Variants in SYN2 observed in about 807,000 individuals in gnomAD.
The protein encoded by SYN2 is synapsin II.
In SYN2, 19 loss-of-function variants were observed where a neutral mutation model predicts 50.9. That is an observed-to-expected ratio of 0.37 (90% CI 0.26 to 0.55). SYN2 has a LOEUF of 0.55. SYN2 is among the 20% of genes least tolerant of loss of function. SYN2 has a pLI of 0.81. For missense variants in SYN2, 587 were observed against 576.4 expected (o/e 1.02, Z -0.19); for synonymous variants, 255 against 224.9 (o/e 1.13, Z -1.20).
At chr3:12,080,159 C>A (rs1695555995) in intron 1 of SYN2, among the ~76,000 whole-genome samples, 2 of 152,072 alleles carry the variant, frequency 1.3e-5, no homozygotes, top group South Asian at 4.1e-4. Context: ...TCCCCATTAT[C>A]ATTTTTTATT....
At chr3:12,049,811 A>G (rs1415076705) in intron 1 of SYN2, among the ~76,000 whole-genome samples, 2 of 152,230 alleles carry the variant, frequency 1.3e-5, no homozygotes, top group East Asian at 1.9e-4. Context: ...ATTTGGAAAC[A>G]TGGCTTATAT....
intron 1 of SYN2, among the ~76,000 whole-genome samples, chr3:12,118,327 G>A (rs1018882572): frequency 2.6e-5 from 4 of 152,202 alleles, no homozygotes; most frequent in African/African-American, 9.7e-5. Flanking sequence ...ACTTCAAGAG[G>A]CTGAGGCAGG....
At chr3:12,142,683 T>A (rs189422798) in intron 3 of SYN2, among the ~76,000 whole-genome samples, 168 of 152,318 alleles carry the variant, frequency 1.1e-3, no homozygotes, top group African/African-American at 3.8e-3. Context: ...GACTGGAAAG[T>A]GGCGGAGCTG....
chr3:12,009,182 A>G (rs142018628), intron 1 of SYN2, among the ~76,000 whole-genome samples: 1 of 152,340 alleles, frequency 6.6e-6, no homozygotes, highest in Non-Finnish European at 1.5e-5. Flanking sequence ...TGTACTTTAG[A>G]ATTCTCAGAT....
intron 1 of SYN2, among the ~76,000 whole-genome samples, chr3:12,126,643 T>G (rs1696677292): frequency 6.6e-6 from 1 of 152,234 alleles, no homozygotes; most frequent in African/African-American, 2.4e-5. Context: ...TAGTTTCAAA[T>G]CCTGAATCTT....
At chr3:12,095,363 C>G (rs888019880) in intron 1 of SYN2, among the ~76,000 whole-genome samples, 6 of 143,620 alleles carry the variant, frequency 4.2e-5, no homozygotes, top group Non-Finnish European at 6.1e-5. Flanking sequence ...CTGGCTAACA[C>G]AGTGAAACCT....
chr3:12,119,381 C>T lies in SYN2; in HGVS notation c.378-21270C>T, dbSNP rs577584107. On this transcript the variant is annotated intron_variant, in intron 1 of 12. Coordinates refer to ENST00000621198, the MANE Select transcript of SYN2 (RefSeq NM_133625.6). Reference sequence around the variant, plus strand: ...TGCCTCTTCTGCTAAATTTTGTGCTCCTTGAGGACAAGGATAGTGTTTTAT... The same window carrying T: ...TGCCTCTTCTGCTAAATTTTGTGCTTCTTGAGGACAAGGATAGTGTTTTAT... 2.0e-5 allele frequency among the ~76,000 whole-genome samples: 3 copies of T among 152,258 alleles called. No homozygotes were observed. In the South Asian group the frequency reaches 6.2e-4, roughly 32 times the overall value.
chr3:12,129,933 C>T (rs1281695652), intron 1 of SYN2, among the ~76,000 whole-genome samples: 1 of 152,048 alleles, frequency 6.6e-6, no homozygotes, highest in Admixed American at 6.6e-5. Flanking sequence ...TTAGTGTCCT[C>T]ATAAGAAGAG....
At chr3:12,189,321 A>C (rs974499359) in intron 12 of SYN2, among the ~76,000 whole-genome samples, 2 of 152,168 alleles carry the variant, frequency 1.3e-5, no homozygotes, top group Admixed American at 6.5e-5. Flanking sequence ...TTTCTCTGTG[A>C]ACCACTAGTC....
At chr3:12,083,795 C>G (rs1695632170) in intron 1 of SYN2, among the ~76,000 whole-genome samples, 1 of 152,160 alleles carries the variant, frequency 6.6e-6, no homozygotes, top group South Asian at 2.1e-4. Context: ...CAGGAGCCCT[C>G]TGAGATTGAG....
intron 1 of SYN2, among the ~76,000 whole-genome samples, chr3:12,085,588 G>A (rs549794947): frequency 1.3e-5 from 2 of 152,040 alleles, no homozygotes; most frequent in Admixed American, 6.6e-5. Flanking sequence ...TATGAAACTA[G>A]AAATTAATAA....
rs966343734 is a variant in SYN2, at chr3:12,029,482, C to T, written c.377+24554C>T. ...TTACCTTGGGCAGTATGGCCATTTTCACGATATTGATTCTTCCTACCCTTG... is the reference window on the plus strand; with the variant it reads ...TTACCTTGGGCAGTATGGCCATTTTTACGATATTGATTCTTCCTACCCTTG... On this transcript the variant is annotated intron_variant, in intron 1 of 12. Transcript: ENST00000621198. Among the ~76,000 whole-genome samples, 218 of 124,602 alleles carry T rather than the reference C, an allele frequency of 1.7e-3. 2 individuals carry two copies. The highest frequency in any genetic ancestry group is 2.1e-3 in the Non-Finnish European group (137 of 64,958). 81.7% of individuals were successfully genotyped at this position (124,602 alleles called of 152,430 possible). A position where few individuals can be genotyped will look rare whatever the true frequency, so the allele number is the denominator to read the frequency against.
At chr3:12,115,406 C>T (rs1696410547) in intron 1 of SYN2, among the ~76,000 whole-genome samples, 1 of 152,146 alleles carries the variant, frequency 6.6e-6, no homozygotes, top group Non-Finnish European at 1.5e-5. Context: ...TGTCCACAGC[C>T]AGTTTTCAGT....
intron 1 of SYN2, among the ~76,000 whole-genome samples, chr3:12,063,855 A>T (rs906380406): frequency 1.3e-5 from 2 of 152,126 alleles, no homozygotes; most frequent in Admixed American, 6.6e-5. Flanking sequence ...GAGGAAAAAA[A>T]ATCTACCATG....
chr3:12,070,848 T>A lies in SYN2; in HGVS notation c.377+65920T>A, dbSNP rs1695336837. 5.1e-6 allele frequency: 3 copies of A among 584,270 alleles called. No individual in the cohort carries two copies. In the Admixed American group the frequency reaches 5.7e-5, roughly 11 times the overall value. The allele number at this position is 584,270 out of a possible 1,614,324, so 36.2% of individuals were successfully genotyped here. A position where few individuals can be genotyped will look rare whatever the true frequency, so the allele number is the denominator to read the frequency against. ...ACAGCTACAGCTTCAACACCATGGC[T>A]GAGTGGGAGATCTTGGGTGACATCA... is the stretch of plus-strand genomic sequence containing the variant. On this transcript the variant is annotated intron_variant, in intron 1 of 12. Coordinates refer to ENST00000621198, the MANE Select transcript of SYN2 (RefSeq NM_133625.6).
At chr3:12,090,187 C>T (rs2119812) in intron 1 of SYN2, among the ~76,000 whole-genome samples, 6,850 of 152,176 alleles carry the variant, frequency 0.045, 203 homozygotes, top group Non-Finnish European at 0.066. Context: ...TCAGCAGCTC[C>T]TTAAGAAATC....
chr3:12,152,992 C>G (rs112286929), intron 5 of SYN2: 47 of 199,690 alleles, frequency 2.4e-4, no homozygotes, highest in African/African-American at 1.0e-3. Context: ...AATGACTCCC[C>G]CAAACAGATG....
At chr3:12,097,277 C>CA (rs1157848931) in intron 1 of SYN2, among the ~76,000 whole-genome samples, 4 of 152,140 alleles carry the variant, frequency 2.6e-5, no homozygotes, top group Non-Finnish European at 5.9e-5. Context: ...GGAACCAGCC[C>CA]AAATGTCCAT....
At chr3:12,091,604 C>T (rs1695829983) in intron 1 of SYN2, among the ~76,000 whole-genome samples, 1 of 152,114 alleles carries the variant, frequency 6.6e-6, no homozygotes, top group Admixed American at 6.5e-5. Context: ...GGTATTTTGC[C>T]TTGTCTCAGA....
Sources: allele counts gnomAD v4.1 joint callset (sites outside exome capture counted in the v4.1 genomes callset), GRCh38; gene constraint gnomAD v4.1.1; transcripts MANE v1.5; gene names NCBI Gene and HGNC (gene_info 2026-07-23, HGNC 2026-07-21).